PPP1R37: variants seen among roughly 807,000 people sequenced by gnomAD.
PPP1R37 encodes leucine rich repeat containing 68.
In PPP1R37, 21 loss-of-function variants were observed where a neutral mutation model predicts 61.0. The observed-to-expected ratio is 0.34, with a 90% CI of 0.24 to 0.50. The LOEUF is 0.50. PPP1R37 is among the 20% of genes least tolerant of loss of function. The pLI, the probability that PPP1R37 is intolerant of heterozygous loss-of-function variation, is 0.98. For synonymous variants in PPP1R37, 443 were observed against 433.5 expected (o/e 1.02, Z -0.27); for missense variants, 910 against 952.7 (o/e 0.96, Z 0.59).
intron 1 of PPP1R37, among the ~76,000 whole-genome samples, chr19:45,111,687 C>G (rs535510296): frequency 6.6e-6 from 1 of 152,230 alleles, no homozygotes; most frequent in Admixed American, 6.5e-5. Flanking sequence ...GAGAACATTG[C>G]CATTAACTCA....
chr19:45,106,344 C>T (rs552816147), intron 1 of PPP1R37, among the ~76,000 whole-genome samples: 1 of 152,048 alleles, frequency 6.6e-6, no homozygotes, highest in East Asian at 1.9e-4. Context: ...CAAGTTTAAG[C>T]GATTCTCCTG....
rs1440212827 is a variant in PPP1R37 at position 45,141,269 on chromosome 19, C to G, written c.448-53C>G. On this transcript the variant is annotated intron_variant, in intron 4 of 12. Transcript: ENST00000221462. The stretch of plus-strand genomic sequence containing the variant: ...GGGCCCGGTGTCAGGGCCCACGCCT[C>G]TCCTCCAGGGCAGCCCAGAGCTGAG... The G allele has an allele frequency of 2.7e-6, 4 of 1,492,732 alleles. No individual in the cohort carries two copies. In the East Asian group the frequency reaches 7.4e-5, roughly 28 times the overall value. The allele number at this position is 1,492,732 out of a possible 1,614,324, so 92.5% of individuals were successfully genotyped here.
In PPP1R37 at chr19:45,145,231, G is replaced by A; in HGVS notation, c.1267G>A (p.Asp423Asn). The A allele has an allele frequency of 2.0e-6, 3 of 1,534,304 alleles. No individual in the cohort carries two copies. Among genetic ancestry groups the A allele is most frequent in the Non-Finnish European group, 2.6e-6 (3 of 1,146,050 alleles). Residue 423 changes from aspartate (D) to asparagine (N), a missense_variant, in exon 10 of 13, where the codon GAC becomes AAC. Coordinates refer to ENST00000221462, the MANE Select transcript of PPP1R37 (RefSeq NM_019121.2). ...LKVNHSLLRL[D>N]LDREPKKEAV... The stretch of plus-strand genomic sequence containing the variant: ...GGTGAACCACTCACTGCTGCGCCTG[G>A]ACCTCGACCGTGAACCCAAGAAAGA...
At chr19:45,109,632 G>C (rs1968175066) in intron 1 of PPP1R37, among the ~76,000 whole-genome samples, 1 of 152,226 alleles carries the variant, frequency 6.6e-6, no homozygotes, top group Non-Finnish European at 1.5e-5. Flanking sequence ...AGCCCTGCCT[G>C]GGTCCCTGGA....
rs887295500 is a variant in PPP1R37, at chr19:45,146,323, C to T, written c.1994-67C>T. On this transcript the variant is annotated intron_variant, in intron 11 of 12. Transcript: ENST00000221462. ...CAGGCCCTGAGGGTCTGGCTGGGGC[C>T]GGGCTGGGGACAGGTTGTATTTGCC... 33 of 1,432,238 alleles carry T rather than the reference C, an allele frequency of 2.3e-5. 1 individual carries two copies. The highest frequency in any genetic ancestry group is 1.9e-4 in the Middle Eastern group (1 of 5,158). The allele number at this position is 1,432,238 out of a possible 1,614,324, so 88.7% of individuals were successfully genotyped here.
chr19:45,094,999 A>G (rs749800462), intron 1 of PPP1R37, among the ~76,000 whole-genome samples: 9 of 152,206 alleles, frequency 5.9e-5, no homozygotes, highest in Non-Finnish European at 5.9e-5. Context: ...GGTGGAGCCC[A>G]TGAAGTGAGG....
intron 1 of PPP1R37, among the ~76,000 whole-genome samples, chr19:45,137,808 T>A (rs1339669740): frequency 1.3e-5 from 2 of 150,032 alleles, no homozygotes; most frequent in Non-Finnish European, 3.0e-5. Context: ...GAGGATTCAT[T>A]CTTTCACCCA....
intron 1 of PPP1R37, among the ~76,000 whole-genome samples, chr19:45,103,836 C>CA (rs1968095003): frequency 1.4e-5 from 2 of 138,980 alleles, no homozygotes; most frequent in Non-Finnish European, 3.3e-5. Context: ...CAAGGCCACA[C>CA]AGGTAGTAGA....
chr19:45,101,774 C>T (rs1968066753), intron 1 of PPP1R37, among the ~76,000 whole-genome samples: 1 of 152,132 alleles, frequency 6.6e-6, no homozygotes, highest in Non-Finnish European at 1.5e-5. Context: ...GTGGAGGTGA[C>T]ATGAATAGGG....
chr19:45,106,444 A>G (rs1968131979), intron 1 of PPP1R37, among the ~76,000 whole-genome samples: 1 of 151,900 alleles, frequency 6.6e-6, no homozygotes, highest in African/African-American at 2.4e-5. Context: ...GGGTTTCACC[A>G]TGTTGGCTGG....
chr19:45,116,545 G>C (rs1406639237), intron 1 of PPP1R37, among the ~76,000 whole-genome samples: 2 of 152,226 alleles, frequency 1.3e-5, no homozygotes, highest in Admixed American at 6.5e-5. Context: ...GGAGGGCACG[G>C]GGGTCTGAGA....
At chr19:45,101,613 G>A (rs954678814) in intron 1 of PPP1R37, among the ~76,000 whole-genome samples, 1 of 152,236 alleles carries the variant, frequency 6.6e-6, no homozygotes, top group African/African-American at 2.4e-5. Context: ...AGCTACTCAG[G>A]AGGCTGAGGT....
intron 2 of PPP1R37, among the ~76,000 whole-genome samples, chr19:45,139,751 C>T (rs533084943): frequency 5.1e-4 from 78 of 152,378 alleles, no homozygotes; most frequent in Non-Finnish European, 5.1e-4. Flanking sequence ...GCAGCACCCA[C>T]CCTGCAGGTG....
chr19:45,145,830 CCCCCACCCCCTCCCT>C lies in PPP1R37; in HGVS notation c.1783_1797del (p.Pro595_Pro599del). The C allele has an allele frequency of 5.9e-6, 5 of 849,406 alleles. No homozygotes were observed. The highest frequency in any genetic ancestry group is 1.8e-5 in the African/African-American group (1 of 56,098). The allele number at this position is 849,406 out of a possible 1,614,324, so 52.6% of individuals were successfully genotyped here. ...CCCTGCGTCCCCCACCCCTCCCTCT[CCCCCACCCCCTCCCT>C]CCCCACCCGCCTCACCTTCCCTACC... On this transcript the variant is annotated inframe_deletion, in exon 11 of 13. Coordinates refer to ENST00000221462, the MANE Select transcript of PPP1R37 (RefSeq NM_019121.2).
intron 1 of PPP1R37, among the ~76,000 whole-genome samples, chr19:45,120,372 CT>C (rs1447779923): frequency 1.3e-5 from 2 of 152,096 alleles, no homozygotes; most frequent in Non-Finnish European, 2.9e-5. Flanking sequence ...CTGCACCTTG[CT>C]TTTTTCATTT....
chr19:45,111,449 A>G (rs1050488990), intron 1 of PPP1R37, among the ~76,000 whole-genome samples: 3 of 151,782 alleles, frequency 2.0e-5, no homozygotes, highest in South Asian at 2.1e-4. Flanking sequence ...TAACTTTTGT[A>G]TTTTTTTAGT....
At chr19:45,117,960 C>T (rs1208199200) in intron 1 of PPP1R37, among the ~76,000 whole-genome samples, 1 of 152,258 alleles carries the variant, frequency 6.6e-6, no homozygotes, top group East Asian at 1.9e-4. Context: ...GTTTCTCAGG[C>T]CTCTGGGTTA....
chr19:45,138,315 G>A (rs1459419394), intron 1 of PPP1R37, among the ~76,000 whole-genome samples, 199 bp from the exon 2 acceptor site: 1 of 152,218 alleles, frequency 6.6e-6, no homozygotes, highest in Non-Finnish European at 1.5e-5. Context: ...GTGACTTGGG[G>A]TGGGGGTGCC....
chr19:45,103,668 C>T (rs1039365931), intron 1 of PPP1R37, among the ~76,000 whole-genome samples: 10 of 152,154 alleles, frequency 6.6e-5, no homozygotes, highest in Admixed American at 1.3e-4. Context: ...AAGGTGAAAG[C>T]GAGCCGCAGG....
Sources: gnomAD v4.1 joint callset for allele counts (sites outside exome capture counted in the v4.1 genomes callset) on GRCh38, gnomAD v4.1.1 for gene constraint, MANE v1.5 for transcripts, NCBI Gene and HGNC (gene_info 2026-07-23, HGNC 2026-07-21) for gene names.